WNK3: variants seen among roughly 807,000 people sequenced by gnomAD.
WNK3 encodes the protein serine/threonine-protein kinase WNK3.
WNK3 carries 18 observed loss-of-function variants against 116.7 expected under a neutral mutation model. The ratio of observed to expected loss-of-function variants is 0.15; its 90% CI spans 0.11 to 0.23. The LOEUF (loss-of-function observed/expected upper bound fraction) is 0.23, where lower values mean the gene tolerates loss of function less well. Ranked by LOEUF, WNK3 falls within the 10% of genes least tolerant of loss-of-function variation. The pLI, the probability that WNK3 is intolerant of heterozygous loss-of-function variation, is 1.00. For synonymous variants in WNK3, 404 were observed against 469.4 expected (o/e 0.86, Z 1.80); for missense variants, 993 against 1,323.8 (o/e 0.75, Z 3.88).
intron 17 of WNK3, among the ~76,000 whole-genome samples, chrX:54,243,741 A>C (rs1050199280): frequency 4.5e-5 from 5 of 111,929 alleles, no homozygotes; most frequent in Non-Finnish European, 9.4e-5. Flanking sequence ...TTTAGAAAAG[A>C]GTTTGGTGGT....
At chrX:54,325,604 G>A (rs1309181727) in intron 2 of WNK3, among the ~76,000 whole-genome samples, 4 of 101,966 alleles carry the variant, frequency 3.9e-5, no homozygotes, top group Non-Finnish European at 5.9e-5. Context: ...GCTTGAACCC[G>A]GGAGGCGGAG....
intron 1 of WNK3, among the ~76,000 whole-genome samples, chrX:54,349,634 T>C (rs185045425): frequency 9.0e-6 from 1 of 110,912 alleles, no homozygotes; most frequent in East Asian, 2.8e-4. Context: ...CTCTAAAGAG[T>C]AGAAGGAAAG....
At chrX:54,303,699 G>T (rs1359599198) in intron 5 of WNK3, among the ~76,000 whole-genome samples, 1 of 110,487 alleles carries the variant, frequency 9.1e-6, no homozygotes, top group East Asian at 2.8e-4. Flanking sequence ...TCAAAAAATA[G>T]ACCTATTAAA....
chrX:54,209,294 G>A (rs1003635483), intron 22 of WNK3, among the ~76,000 whole-genome samples: 4 of 108,178 alleles, frequency 3.7e-5, no homozygotes, highest in Non-Finnish European at 7.7e-5. Context: ...GTGTTGGTGC[G>A]CACCTGTAAT....
intron 22 of WNK3, among the ~76,000 whole-genome samples, chrX:54,207,647 G>T (rs1055911107): frequency 9.3e-6 from 1 of 107,646 alleles, no homozygotes; most frequent in African/African-American, 3.4e-5. Flanking sequence ...CCGAGTAGCT[G>T]GGATTACAGG....
At chrX:54,203,552 A>G (rs982895787) in intron 22 of WNK3, among the ~76,000 whole-genome samples, 15 of 111,605 alleles carry the variant, frequency 1.3e-4, no homozygotes, top group Non-Finnish European at 2.1e-4. Flanking sequence ...GAAACTTATA[A>G]CAGGCCTGTG....
rs891253340 is a variant in WNK3 at position 54,339,187 on chromosome X, A to G, written c.-119-5395T>C. 2.3e-4 allele frequency among the ~76,000 whole-genome samples: 25 copies of G among 110,988 alleles called. 1 individual carries two copies. The highest frequency in any genetic ancestry group is 3.8e-4 in the Non-Finnish European group (20 of 53,098). On this transcript the variant is annotated intron_variant, in intron 1 of 23. Transcript: ENST00000354646. The stretch of plus-strand genomic sequence containing the variant: ...GCATCTAACAACAGAGTCCCAAAAT[A>G]CATTTAATAAAAACTGACAAAACTG...
intron 23 of WNK3, among the ~76,000 whole-genome samples, chrX:54,199,048 C>T (rs2067476341): frequency 9.0e-6 from 1 of 110,916 alleles, no homozygotes; most frequent in Non-Finnish European, 1.9e-5. Flanking sequence ...ATATAATGAA[C>T]ATTATTAGTT....
chrX:54,244,081 G>C (rs1376473155), intron 17 of WNK3, among the ~76,000 whole-genome samples: 2 of 111,892 alleles, frequency 1.8e-5, no homozygotes, highest in Non-Finnish European at 3.8e-5. Flanking sequence ...AGGGGGAAGG[G>C]AGAATGAATA....
intron 22 of WNK3, among the ~76,000 whole-genome samples, chrX:54,219,634 C>T (rs547380470): frequency 5.5e-5 from 5 of 90,158 alleles, no homozygotes; most frequent in African/African-American, 1.7e-4. Flanking sequence ...GCCGAGATCG[C>T]GCCAGCCTGG....
At chrX:54,200,905 C>T (rs1327983605) in intron 23 of WNK3, among the ~76,000 whole-genome samples, 1 of 111,437 alleles carries the variant, frequency 9.0e-6, no homozygotes, top group Non-Finnish European at 1.9e-5. Context: ...CACAGAGCTC[C>T]CAAGGAGATA....
At chrX:54,224,662 C>T (rs915189860) in intron 22 of WNK3, among the ~76,000 whole-genome samples, 4 of 107,827 alleles carry the variant, frequency 3.7e-5, no homozygotes, top group Admixed American at 9.9e-5. Context: ...CTCCGCCTCC[C>T]GGGTTCACGC....
intron 1 of WNK3, among the ~76,000 whole-genome samples, chrX:54,348,124 ATGTGTGTGTG>A (rs781868512): frequency 2.9e-5 from 3 of 102,900 alleles, no homozygotes; most frequent in Non-Finnish European, 6.0e-5. Flanking sequence ...CATTGTATAT[ATGTGTGTGTG>A]TGTGTGTGTG....
At chrX:54,338,254 C>CGTAA (rs2069269941) in intron 1 of WNK3, among the ~76,000 whole-genome samples, 1 of 110,040 alleles carries the variant, frequency 9.1e-6, no homozygotes, top group African/African-American at 3.3e-5. Context: ...AACCCCGTCT[C>CGTAA]TACTGAAAAA....
In WNK3 at chrX:54,240,277, T is replaced by C. The variant is rs1388105155; in HGVS notation, c.3652-1178A>G. On this transcript the variant is annotated intron_variant, in intron 17 of 23. Coordinates refer to ENST00000354646, the Ensembl canonical transcript of WNK3. Reference sequence around the variant, plus strand: ...GAGATCGCACCATTGCACTCCAGCCTGGGCAACAAGAACGAAACTCTTGTT... The same window carrying C: ...GAGATCGCACCATTGCACTCCAGCCCGGGCAACAAGAACGAAACTCTTGTT... Among the ~76,000 whole-genome samples, 10 of 107,284 alleles carry C rather than the reference T, an allele frequency of 9.3e-5. No homozygotes were observed. The Admixed American group carries it at 1.0e-3, about 11-fold the overall frequency. The allele number at this position is 107,284 out of a possible 115,157, so 93.2% of individuals were successfully genotyped here.
chrX:54,241,140 G>A (rs782075513), intron 17 of WNK3, among the ~76,000 whole-genome samples: 11 of 111,687 alleles, frequency 9.8e-5, no homozygotes, highest in Middle Eastern at 9.2e-3. Flanking sequence ...AGAGGTCAAC[G>A]ATGTAGGAAG....
intron 5 of WNK3, among the ~76,000 whole-genome samples, chrX:54,302,699 T>TTCTCTCTCTCTC (rs782673409): frequency 9.0e-4 from 21 of 23,329 alleles, no homozygotes; most frequent in Admixed American, 2.3e-3. Flanking sequence ...AACATTCCAA[T>TTCTCTCTCTCTC]TCTCTCTCTC....
In WNK3 at chrX:54,322,613, T is replaced by C. The variant is rs3007028; in HGVS notation, c.537+10524A>G. ...TAGTGAGTGGGAAATTCTTCAATCA[T>C]CTATGTAAATGCTTTACATAGATAT... On this transcript the variant is annotated intron_variant, in intron 2 of 23. Transcript: ENST00000354646. 2.2e-3 allele frequency among the ~76,000 whole-genome samples: 245 copies of C among 111,906 alleles called. 1 individual carries two copies. Among genetic ancestry groups the C allele is most frequent in the African/African-American group, 7.4e-3 (230 of 30,910 alleles).
intron 2 of WNK3, among the ~76,000 whole-genome samples, chrX:54,315,544 C>G (rs1236089452): frequency 9.0e-6 from 1 of 111,245 alleles, no homozygotes; most frequent in African/African-American, 3.3e-5. Context: ...GAGATGATAT[C>G]TTAGTTGATT....
Sources: gnomAD v4.1 joint callset for allele counts (sites outside exome capture counted in the v4.1 genomes callset) on GRCh38, gnomAD v4.1.1 for gene constraint, MANE v1.5 for transcripts, NCBI Gene and HGNC (gene_info 2026-07-23, HGNC 2026-07-21) for gene names.